FCHO2: variants seen among roughly 807,000 people sequenced by gnomAD.
FCHO2 encodes FCH and mu domain containing endocytic adaptor 2.
A neutral mutation model predicts 114.1 loss-of-function variants in FCHO2; 43 were observed. That is an observed-to-expected ratio of 0.38 (90% CI 0.30 to 0.49). The LOEUF (loss-of-function observed/expected upper bound fraction) is 0.49, where lower values mean the gene tolerates loss of function less well. Among genes scored for constraint, FCHO2 ranks in the 20% least tolerant of loss-of-function variants. The probability of loss-of-function intolerance (pLI) is 0.97; values close to 1 mark genes in which losing one functional copy is unlikely to be tolerated. For missense variants in FCHO2, 807 were observed against 950.4 expected, an observed-to-expected ratio of 0.85 and a Z score of 1.98; for synonymous variants, 293 against 315.2, an observed-to-expected ratio of 0.93 and a Z score of 0.75.
chr5:72,972,429 T>A (rs1329244916), intron 2 of FCHO2, among the ~76,000 whole-genome samples: 2 of 152,214 alleles, frequency 1.3e-5, no homozygotes, highest in African/African-American at 4.8e-5. Flanking sequence ...CCCTTGTAAG[T>A]TGGATTCCTA....
In FCHO2 at chr5:72,956,080, G is replaced by A. The variant is rs1561393386; in HGVS notation, c.-17G>A. On this transcript the variant is annotated 5_prime_UTR_variant, in exon 1 of 26. Transcript: ENST00000430046. ...GCGGGCGGGCGCGGACGCGGAACCC[G>A]GCGCGGCGGCGGCACGATGGTCATG... 1.3e-6 allele frequency: 2 copies of A among 1,539,774 alleles called. No homozygotes were observed. The highest frequency in any genetic ancestry group is 1.4e-5 in the African/African-American group (1 of 71,058).
At chr5:73,061,305 A>G (rs1047051267) in intron 17 of FCHO2, among the ~76,000 whole-genome samples, 1 of 152,056 alleles carries the variant, frequency 6.6e-6, no homozygotes, top group Non-Finnish European at 1.5e-5. Flanking sequence ...TAAGTTTCTA[A>G]TGTACATACT....
intron 2 of FCHO2, among the ~76,000 whole-genome samples, chr5:72,981,893 T>C (rs1385884260): frequency 6.6e-6 from 1 of 152,220 alleles, no homozygotes; most frequent in Non-Finnish European, 1.5e-5. Context: ...GGTTAGAACA[T>C]GCTCCTTTAG....
chr5:73,036,371 G>C (rs1379843981), intron 9 of FCHO2, among the ~76,000 whole-genome samples: 2 of 151,538 alleles, frequency 1.3e-5, no homozygotes, highest in African/African-American at 4.8e-5. Context: ...TTCTGTTTCT[G>C]TTTTTTTCTT....
At chr5:73,077,297 A>G (rs1283769184) in intron 20 of FCHO2, 41 bp from the exon 21 acceptor site, 1 of 1,526,768 alleles carries the variant, frequency 6.5e-7, no homozygotes, top group Non-Finnish European at 8.8e-7. Context: ...AATAGAGATT[A>G]GAGCATTTTA....
chr5:73,072,313 A>G (rs2112881652), intron 19 of FCHO2, among the ~76,000 whole-genome samples: 1 of 152,194 alleles, frequency 6.6e-6, no homozygotes, highest in African/African-American at 2.4e-5. Flanking sequence ...GTGAGAATGT[A>G]AAATGGTACA....
At chr5:72,962,078 CATT>C (rs1160325292) in intron 1 of FCHO2, among the ~76,000 whole-genome samples, 1 of 152,102 alleles carries the variant, frequency 6.6e-6, no homozygotes, top group Non-Finnish European at 1.5e-5. Context: ...TGACAGTAGA[CATT>C]ATAAAATTAT....
chr5:72,997,708 C>A, intron 5 of FCHO2: 1 of 1,518,458 alleles, frequency 6.6e-7, no homozygotes, highest in South Asian at 1.2e-5. Context: ...CTTGGGATAC[C>A]GTTTGATGCC....
chr5:72,984,198 G>T (rs1489460299), intron 2 of FCHO2, among the ~76,000 whole-genome samples: 3 of 152,160 alleles, frequency 2.0e-5, no homozygotes, highest in African/African-American at 7.2e-5. Context: ...TGAAATTTGT[G>T]TGTTAAATCA....
chr5:73,059,350 ATGAAGTTGTTTT>A (rs1178156117), intron 17 of FCHO2, among the ~76,000 whole-genome samples: 1 of 152,130 alleles, frequency 6.6e-6, no homozygotes. Context: ...TAACAGCAGC[ATGAAGTTGTTTT>A]TATTGTCCCT....
chr5:72,957,713 T>C (rs928826058), intron 1 of FCHO2, among the ~76,000 whole-genome samples: 1 of 152,228 alleles, frequency 6.6e-6, no homozygotes, highest in African/African-American at 2.4e-5. Context: ...ATGGGATTCC[T>C]GGGTCAAATC....
chr5:73,033,308 GT>G (rs1400641291), intron 8 of FCHO2, among the ~76,000 whole-genome samples: 3 of 151,986 alleles, frequency 2.0e-5, no homozygotes, highest in Non-Finnish European at 4.4e-5. Context: ...TTCTATGACT[GT>G]TTTATTCTGC....
At chr5:73,016,392 A>C (rs1755313924) in intron 7 of FCHO2, among the ~76,000 whole-genome samples, 1 of 135,384 alleles carries the variant, frequency 7.4e-6, no homozygotes, top group African/African-American at 2.8e-5. Context: ...AAAGATTTTA[A>C]ATTGTTTAAA....
intron 6 of FCHO2, among the ~76,000 whole-genome samples, chr5:73,013,534 G>A (rs1755133454): frequency 6.6e-6 from 1 of 152,142 alleles, no homozygotes; most frequent in Admixed American, 6.5e-5. Flanking sequence ...CCTGTTTTGA[G>A]GACTATTATT....
intron 6 of FCHO2, among the ~76,000 whole-genome samples, chr5:73,014,924 A>G (rs1244762776): frequency 6.6e-6 from 1 of 151,706 alleles, no homozygotes; most frequent in East Asian, 2.0e-4. Flanking sequence ...AAAAATACAA[A>G]AAATTAGCCA....
At chr5:73,079,434 C>T (rs948407880) in intron 22 of FCHO2, among the ~76,000 whole-genome samples, 8 of 151,942 alleles carry the variant, frequency 5.3e-5, no homozygotes, top group South Asian at 2.1e-4. Context: ...ATTGTTTATA[C>T]GACATAGTAG....
chr5:72,991,077 G>T (rs1753785118), intron 5 of FCHO2, among the ~76,000 whole-genome samples: 1 of 152,092 alleles, frequency 6.6e-6, no homozygotes, highest in South Asian at 2.1e-4. Flanking sequence ...AACAATGATT[G>T]ATTTGAGACG....
chr5:73,058,291 G>C (rs1013162461), intron 16 of FCHO2, 142 bp from the exon 17 acceptor site: 33 of 502,418 alleles, frequency 6.6e-5, no homozygotes, highest in African/African-American at 1.9e-5. Context: ...GATTACAGGT[G>C]TGAGCCATGG....
intron 1 of FCHO2, among the ~76,000 whole-genome samples, chr5:72,966,521 G>A (rs994684873): frequency 6.6e-6 from 1 of 152,190 alleles, no homozygotes; most frequent in Non-Finnish European, 1.5e-5. Flanking sequence ...AGAGGCTGTG[G>A]TTTTATGTTA....
Sources: gnomAD v4.1 joint callset for allele counts (sites outside exome capture counted in the v4.1 genomes callset) on GRCh38, gnomAD v4.1.1 for gene constraint, MANE v1.5 for transcripts, NCBI Gene and HGNC (gene_info 2026-07-23, HGNC 2026-07-21) for gene names.